Variants in HTT observed in about 807,000 individuals in gnomAD.
The protein encoded by HTT is huntingtin, also known as huntington disease protein.
HTT carries 104 observed loss-of-function variants against 362.3 expected under a neutral mutation model. The ratio of observed to expected loss-of-function variants is 0.29; its 90% CI spans 0.24 to 0.34. The LOEUF is 0.34. Among genes scored for constraint, HTT ranks in the 10% least tolerant of loss-of-function variants. HTT has a pLI of 1.00. For missense variants in HTT, 3,301 were observed against 3,928.6 expected (o/e 0.84, Z 4.27); for synonymous variants, 1,577 against 1,548.7 (o/e 1.02, Z -0.43).
intron 1 of HTT, among the ~76,000 whole-genome samples, chr4:3,079,025 A>C (rs1393639775): frequency 6.6e-6 from 1 of 152,108 alleles, no homozygotes. Context: ...TGCTGGGATT[A>C]CAGGCATGAG....
At position 3,122,889 on chromosome 4, in the gene HTT, C is replaced by A; in HGVS notation, c.1274C>A (p.Ala425Asp). ...SRSGSIVELI[A>D]GGGSSCSPVL... ...ATCTGTCACTTTCTGTGATTTGCAGCTGGAGGGGGTTCCTCATGCAGCCCT... is the reference window on the plus strand; with the variant it reads ...ATCTGTCACTTTCTGTGATTTGCAGATGGAGGGGGTTCCTCATGCAGCCCT... The change falls in exon 10 of 67, where the codon GCT becomes GAT. Residue 425 changes from alanine to aspartate, a missense_variant and splice_region_variant. Ala to Asp is a moderately radical substitution (Grantham distance 126). Coordinates refer to ENST00000355072, the MANE Select transcript of HTT (RefSeq NM_001388492.1). 1.2e-6 allele frequency: 2 copies of A among 1,608,520 alleles called. No homozygotes were observed. Among genetic ancestry groups the A allele is most frequent in the East Asian group, 4.5e-5 (2 of 44,732 alleles).
At chr4:3,081,191 A>G (rs1192058060) in intron 1 of HTT, among the ~76,000 whole-genome samples, 3 of 152,340 alleles carry the variant, frequency 2.0e-5, no homozygotes, top group Middle Eastern at 3.4e-3. Context: ...TCGCATCTTA[A>G]CAATATTGTC....
chr4:3,198,557 C>T (rs1219502642), intron 40 of HTT, among the ~76,000 whole-genome samples: 4 of 152,156 alleles, frequency 2.6e-5, no homozygotes, highest in Non-Finnish European at 5.9e-5. Context: ...ATTTTGATCC[C>T]AACAGTGATG....
In HTT at chr4:3,121,346, C is replaced by G; in HGVS notation, c.1187C>G (p.Thr396Ser). ...TPPPELLQTLTAVGGIGQLTA... is the reference protein window; with the variant it reads ...TPPPELLQTLSAVGGIGQLTA... ...CCACCCGAGCTTCTGCAAACCCTGA[C>G]CGCAGTCGGGGGCATTGGGCAGCTC... Residue 396 changes from threonine (T) to serine (S), a missense_variant, in exon 9 of 67, where the codon ACC becomes AGC. By Grantham distance (58) the Thr-to-Ser change is moderately conservative. Around this residue, in one of 4 missense-constraint regions of HTT, gnomAD observed 2,316 missense variants for 2,658.5 expected, o/e 0.87. Coordinates refer to ENST00000355072, the MANE Select transcript of HTT (RefSeq NM_001388492.1). 2 of 1,614,178 alleles carry G rather than the reference C, an allele frequency of 1.2e-6. No individual in the cohort carries two copies. Among genetic ancestry groups the G allele is most frequent in the Non-Finnish European group, 1.7e-6 (2 of 1,180,020 alleles).
At chr4:3,133,655 A>T (rs938283952) in intron 18 of HTT, among the ~76,000 whole-genome samples, 5 of 152,194 alleles carry the variant, frequency 3.3e-5, no homozygotes, top group African/African-American at 1.2e-4. Context: ...AAGTGATAGC[A>T]TGTTGAACCT....
intron 46 of HTT, 103 bp downstream of exon 46, chr4:3,209,014 G>A: frequency 7.8e-7 from 1 of 1,275,504 alleles, no homozygotes; most frequent in Non-Finnish European, 1.1e-6. Context: ...GACCCAAGGA[G>A]TTCTGGCGCT....
At chr4:3,226,466 G>C (rs1165642434) in intron 57 of HTT, among the ~76,000 whole-genome samples, 5 of 152,080 alleles carry the variant, frequency 3.3e-5, no homozygotes. Context: ...CCAGTACTCT[G>C]TCCCTTAAAA....
At position 3,206,695 on chromosome 4, in the gene HTT, A is replaced by G. The variant is rs2110269591; in HGVS notation, c.5898+20A>G. 6.2e-7 allele frequency: 1 copy of G among 1,602,586 alleles called. No individual in the cohort carries two copies. The highest frequency in any genetic ancestry group is 8.5e-7 in the Non-Finnish European group (1 of 1,171,402). On this transcript the variant is annotated intron_variant, in intron 43 of 66. Coordinates refer to ENST00000355072, the MANE Select transcript of HTT (RefSeq NM_001388492.1). The surrounding 1 kb of genome is among the most constrained non-coding windows in gnomAD (Gnocchi z 4.6). Reference sequence around the variant, plus strand: ...TCAACTGTACGTCTTCATCCTGCCGACTATTGCCAGTTGCAGTTTTCCCTG... The same window carrying G: ...TCAACTGTACGTCTTCATCCTGCCGGCTATTGCCAGTTGCAGTTTTCCCTG...
chr4:3,122,824 A>AT, intron 9 of HTT, 65 bp from the exon 10 acceptor site: 2 of 1,361,548 alleles, frequency 1.5e-6, no homozygotes, highest in Non-Finnish European at 2.1e-6. Context: ...CTGTTTGAAG[A>AT]TTTTCACATT....
chr4:3,138,422 A>G (rs907533173), intron 21 of HTT, among the ~76,000 whole-genome samples: 3 of 151,948 alleles, frequency 2.0e-5, no homozygotes, highest in African/African-American at 4.8e-5. Context: ...TCCAATGTCC[A>G]TTATACCACA....
intron 53 of HTT, among the ~76,000 whole-genome samples, chr4:3,221,283 A>T (rs1720659445): frequency 6.6e-6 from 1 of 152,140 alleles, no homozygotes. Context: ...CTGAGCAGGT[A>T]CCTCACGCCA....
At chr4:3,149,116 C>G (rs1428830876) in intron 26 of HTT, among the ~76,000 whole-genome samples, 1 of 152,156 alleles carries the variant, frequency 6.6e-6, no homozygotes, top group East Asian at 1.9e-4. Flanking sequence ...ATTGCTGTCT[C>G]CTTAAATCTT....
At chr4:3,195,347 A>G (rs954858010) in intron 40 of HTT, among the ~76,000 whole-genome samples, 3 of 152,056 alleles carry the variant, frequency 2.0e-5, no homozygotes, top group Non-Finnish European at 4.4e-5. Context: ...GCTCACAAAA[A>G]CACGGCTTGC....
intron 2 of HTT, among the ~76,000 whole-genome samples, chr4:3,093,471 G>A (rs1159909923): frequency 6.6e-6 from 1 of 152,182 alleles, no homozygotes; most frequent in African/African-American, 2.4e-5. Context: ...AGCAGAAATT[G>A]ACATGTATTT....
intron 23 of HTT, among the ~76,000 whole-genome samples, chr4:3,144,891 C>T (rs1405885587): frequency 1.4e-4 from 22 of 152,056 alleles, no homozygotes; most frequent in Admixed American, 1.4e-3. Flanking sequence ...AGTTGAGAGG[C>T]GGAAGGGTGG....
chr4:3,236,040 C>T, intron 63 of HTT, 109 bp from the exon 64 acceptor site: 4 of 859,182 alleles, frequency 4.7e-6, no homozygotes. Flanking sequence ...CTGATATCAC[C>T]TGCTTTCAGA....
chr4:3,205,305 T>A (rs1404212519), intron 42 of HTT, among the ~76,000 whole-genome samples: 1 of 152,148 alleles, frequency 6.6e-6, no homozygotes, highest in East Asian at 1.9e-4. Context: ...CATGGTATCT[T>A]ATAGATACTA....
At chr4:3,217,499 C>T (rs1720467932) in intron 51 of HTT, among the ~76,000 whole-genome samples, 1 of 152,218 alleles carries the variant, frequency 6.6e-6, no homozygotes, top group Admixed American at 6.5e-5. Context: ...TGCTGCTGGC[C>T]TTATCACAGA....
chr4:3,151,110 G>A (rs959310320), intron 26 of HTT, among the ~76,000 whole-genome samples: 2 of 151,614 alleles, frequency 1.3e-5, no homozygotes, highest in African/African-American at 4.9e-5. Context: ...TACCATCTGA[G>A]CTCTATCTCC....
Sources: gnomAD v4.1 joint callset for allele counts (sites outside exome capture counted in the v4.1 genomes callset) on GRCh38, gnomAD v4.1.1 for gene constraint, gnomAD v4.1.1 regional missense constraint, Gnocchi (gnomAD v3.1) non-coding constraint, MANE v1.5 for transcripts, NCBI Gene and HGNC (gene_info 2026-07-23, HGNC 2026-07-21) for gene names.